The following LSMEM2 variants were observed in gnomAD, a reference collection of about 807,000 sequenced individuals.
The protein encoded by LSMEM2 is leucine rich single-pass membrane protein 2, also known as leucine-rich single-pass membrane protein 2.
A neutral mutation model predicts 17.3 loss-of-function variants in LSMEM2; 20 were observed. That is an observed-to-expected ratio of 1.16 (90% CI 0.81 to 1.68). LSMEM2 has a LOEUF of 1.68. Ranked by LOEUF, LSMEM2 falls within the 40% of genes most tolerant of loss-of-function variation. The pLI is 0.00. For synonymous variants in LSMEM2, 94 were observed against 97.8 expected (o/e 0.96, Z 0.23); for missense variants, 207 against 214.3 (o/e 0.97, Z 0.21).
intron 1 of LSMEM2, among the ~76,000 whole-genome samples, chr3:50,284,663 G>A (rs1165729035): frequency 6.6e-6 from 1 of 152,214 alleles, no homozygotes; most frequent in Non-Finnish European, 1.5e-5. Flanking sequence ...AGCCCAGGAG[G>A]TGGAGGCTGC....
chr3:50,280,530 G>T (rs1345893239), intron 1 of LSMEM2, among the ~76,000 whole-genome samples: 3 of 151,484 alleles, frequency 2.0e-5, no homozygotes, highest in Non-Finnish European at 4.4e-5. Context: ...GTGTAGAGAA[G>T]GGTCTCCCTG....
chr3:50,278,844 G>T (rs1354294772), upstream of LSMEM2, among the ~76,000 whole-genome samples: 2 of 152,170 alleles, frequency 1.3e-5, no homozygotes, highest in Non-Finnish European at 2.9e-5. Flanking sequence ...TGGCCATTCT[G>T]GATGTATGGG....
rs1325705935 is a variant in LSMEM2, at chr3:50,287,565, A to T, written c.*363A>T. The T allele has an allele frequency of 3.4e-6, 1 of 297,198 alleles. No individual in the cohort carries two copies. Among genetic ancestry groups the T allele is most frequent in the Non-Finnish European group, 6.5e-6 (1 of 153,600 alleles). 18.4% of individuals were successfully genotyped at this position (297,198 alleles called of 1,614,324 possible). ...TCACCCAAACTCTGCCAGGGCTCCC[A>T]GTGAGGGTCCAGCCTCAGCTCTTAA... On this transcript the variant is annotated 3_prime_UTR_variant, in exon 4 of 4. Transcript: ENST00000316436.
chr3:50,279,790 G>GACGT (rs1701351440), intron 1 of LSMEM2, among the ~76,000 whole-genome samples: 1 of 152,156 alleles, frequency 6.6e-6, no homozygotes, highest in African/African-American at 2.4e-5. Context: ...TACTGGCCAG[G>GACGT]ACGTAGGACT....
rs587678555 is a variant in LSMEM2 at position 50,281,858 on chromosome 3, T to A, written c.58+2687T>A. Among the ~76,000 whole-genome samples, 764 of 151,288 alleles carry A rather than the reference T, an allele frequency of 5.0e-3. 8 individuals carry two copies. The highest frequency in any genetic ancestry group is 0.018 in the African/African-American group (724 of 41,196). ...CACACCAAACTAATCTTTAATTACTTTTTTGTTTTTTGAGACGAGGTCTAG... is the reference window on the plus strand; with the variant it reads ...CACACCAAACTAATCTTTAATTACTATTTTGTTTTTTGAGACGAGGTCTAG... On this transcript the variant is annotated intron_variant, in intron 1 of 3. Transcript: ENST00000316436.
chr3:50,287,328 C>T lies in LSMEM2; in HGVS notation c.*126C>T. 2.3e-6 allele frequency: 3 copies of T among 1,300,114 alleles called. No homozygotes were observed. The highest frequency in any genetic ancestry group is 3.2e-6 in the Non-Finnish European group (3 of 930,990). 80.5% of individuals were successfully genotyped at this position (1,300,114 alleles called of 1,614,324 possible). A position where few individuals can be genotyped will look rare whatever the true frequency, so the allele number is the denominator to read the frequency against. On this transcript the variant is annotated 3_prime_UTR_variant, in exon 4 of 4. Coordinates refer to ENST00000316436, the MANE Select transcript of LSMEM2 (RefSeq NM_153215.3). ...CTATTTCCTTGGTGAGATTTTTGTA[C>T]AAGAACCTGTTGTTAACTTAATGGC...
rs1701340988 is a variant in LSMEM2 at position 50,279,253 on chromosome 3, A to G, written c.58+82A>G. ...CATGGAGAGACCCACCCTCTGTCCC[A>G]CTGACCTCACTGTCTTGAGTAGTTA... On this transcript the variant is annotated intron_variant, in intron 1 of 3. Transcript: ENST00000316436. The G allele has an allele frequency of 1.7e-5, 22 of 1,261,664 alleles. No individual in the cohort carries two copies. The South Asian group carries it at 2.6e-4, about 15-fold the overall frequency. 78.2% of individuals were successfully genotyped at this position (1,261,664 alleles called of 1,614,324 possible).
At chr3:50,282,065 G>C (rs1479589997) in intron 1 of LSMEM2, among the ~76,000 whole-genome samples, 3 of 151,802 alleles carry the variant, frequency 2.0e-5, no homozygotes, top group African/African-American at 7.3e-5. Flanking sequence ...TGTTGACCAG[G>C]CTGATCTTGA....
At chr3:50,285,737 T>C (rs144732663) in intron 1 of LSMEM2, among the ~76,000 whole-genome samples, 3 of 152,138 alleles carry the variant, frequency 2.0e-5, no homozygotes, top group East Asian at 1.9e-4. Flanking sequence ...ACCTTCATAT[T>C]CAACGGTGGA....
intron 1 of LSMEM2, among the ~76,000 whole-genome samples, chr3:50,283,976 C>T (rs989425640): frequency 3.3e-5 from 5 of 152,024 alleles, no homozygotes; most frequent in East Asian, 1.9e-4. Context: ...GAGGCCAAGG[C>T]GGGTGGATCA....
At chr3:50,281,669 AATT>A (rs1701402176) in intron 1 of LSMEM2, among the ~76,000 whole-genome samples, 2 of 138,242 alleles carry the variant, frequency 1.4e-5, no homozygotes, top group African/African-American at 5.5e-5. Context: ...GGCAGCAGGG[AATT>A]TTTTTTTTTT....
chr3:50,287,040 T>C lies in LSMEM2; in HGVS notation c.362-29T>C, dbSNP rs368848451. ...GCAGGGGTCACGGGGTGGCACATGG[T>C]CTGATGATCCCCCACTTCCCATTCA... On this transcript the variant is annotated intron_variant, in intron 3 of 3. Coordinates refer to ENST00000316436, the MANE Select transcript of LSMEM2 (RefSeq NM_153215.3). 6 of 1,612,632 alleles carry C rather than the reference T, an allele frequency of 3.7e-6. No individual in the cohort carries two copies. In the African/African-American group the frequency reaches 6.7e-5, roughly 18 times the overall value.
chr3:50,283,121 G>A (rs971997417), intron 1 of LSMEM2, among the ~76,000 whole-genome samples: 1 of 151,614 alleles, frequency 6.6e-6, no homozygotes, highest in Non-Finnish European at 1.5e-5. Context: ...GGAGGCGGAG[G>A]TTGCAGTGAG....
chr3:50,279,814 C>T (rs1553707537), intron 1 of LSMEM2, among the ~76,000 whole-genome samples: 1 of 152,056 alleles, frequency 6.6e-6, no homozygotes, highest in Admixed American at 6.5e-5. Flanking sequence ...TGCTCCATGG[C>T]TCCATGTTAT....
chr3:50,280,888 C>G (rs587638223), intron 1 of LSMEM2, among the ~76,000 whole-genome samples: 1 of 151,500 alleles, frequency 6.6e-6, no homozygotes, highest in Non-Finnish European at 1.5e-5. Context: ...CTACCGCGCC[C>G]GGCCAGCCAC....
chr3:50,279,249 T>G (rs781783746), intron 1 of LSMEM2, 78 bp downstream of exon 1: 9 of 1,336,162 alleles, frequency 6.7e-6, no homozygotes, highest in Non-Finnish European at 9.7e-6. Flanking sequence ...CCACCCTCTG[T>G]CCCACTGACC....
chr3:50,286,784 C>A lies in LSMEM2; in HGVS notation c.283C>A (p.Arg95=). Residue 95 remains arginine (R), a synonymous_variant, in exon 3 of 4, where the codon CGA becomes AGA. Coordinates refer to ENST00000316436, the MANE Select transcript of LSMEM2 (RefSeq NM_153215.3). ...GGCTGGCTGCAGCCCTGTGTACAGA[C>A]GAGGAGGGTTCCTGCTGCTGCTCGC... ...AQAGCSPVYR[R]GGFLLLLALL... The A allele has an allele frequency of 6.2e-7, 1 of 1,614,174 alleles. No homozygotes were observed. Among genetic ancestry groups the A allele is most frequent in the Non-Finnish European group, 8.5e-7 (1 of 1,180,048 alleles).
Position 50,287,059 on chromosome 3 carries a change from C to G in LSMEM2, c.362-10C>G, listed in dbSNP as rs1553708662. 2 of 1,613,932 alleles carry G rather than the reference C, an allele frequency of 1.2e-6. No homozygotes were observed. The highest frequency in any genetic ancestry group is 1.1e-5 in the South Asian group (1 of 91,086). ...ACATGGTCTGATGATCCCCCACTTC[C>G]CATTCACAGTGCTGCAGAGTGAATC... is the stretch of plus-strand genomic sequence containing the variant. On this transcript the variant is annotated splice_polypyrimidine_tract_variant and intron_variant, in intron 3 of 3. Coordinates refer to ENST00000316436, the MANE Select transcript of LSMEM2 (RefSeq NM_153215.3).
rs782666757 is a variant in LSMEM2 at position 50,283,899 on chromosome 3, A to T, written c.59-2572A>T. Among the ~76,000 whole-genome samples the T allele has an allele frequency of 1.1e-4, 17 of 152,364 alleles. No individual in the cohort carries two copies. The South Asian group carries it at 1.7e-3, about 15-fold the overall frequency. The stretch of plus-strand genomic sequence containing the variant: ...AGTGACTAAATGGGCAGAGGCTTCA[A>T]ATTGATAATTAAGAAGCCACACACA... On this transcript the variant is annotated intron_variant, in intron 1 of 3. Transcript: ENST00000316436.
Sources: gnomAD v4.1 joint callset for allele counts (sites outside exome capture counted in the v4.1 genomes callset) on GRCh38, gnomAD v4.1.1 for gene constraint, MANE v1.5 for transcripts, NCBI Gene and HGNC (gene_info 2026-07-23, HGNC 2026-07-21) for gene names.